SNTG2: variants seen among roughly 807,000 people sequenced by gnomAD.
The protein encoded by SNTG2 is syntrophin gamma 2.
A neutral mutation model predicts 70.9 loss-of-function variants in SNTG2; 74 were observed. The ratio of observed to expected loss-of-function variants is 1.04; its 90% confidence interval spans 0.86 to 1.27. The LOEUF (loss-of-function observed/expected upper bound fraction) is 1.27, where lower values mean the gene tolerates loss of function less well. SNTG2 is among the 50% of genes most tolerant of loss of function. SNTG2 has a pLI of 0.00. For synonymous variants in SNTG2, 278 were observed against 273.8 expected (o/e 1.02, Z -0.15); for missense variants, 717 against 690.7 (o/e 1.04, Z -0.43).
chr2:1,183,214 C>T (rs915464105), intron 8 of SNTG2, among the ~76,000 whole-genome samples: 1 of 150,634 alleles, frequency 6.6e-6, no homozygotes, highest in African/African-American at 2.4e-5. Flanking sequence ...TCCAGTATTC[C>T]ACTGTATGCT....
At chr2:1,066,764 T>C (rs1365734210) in intron 1 of SNTG2, among the ~76,000 whole-genome samples, 1 of 152,164 alleles carries the variant, frequency 6.6e-6, no homozygotes, top group Non-Finnish European at 1.5e-5. Flanking sequence ...CTTATCGAGC[T>C]TCCTCACCTT....
chr2:1,301,815 G>C (rs1322250641), intron 14 of SNTG2, among the ~76,000 whole-genome samples: 1 of 152,078 alleles, frequency 6.6e-6, no homozygotes, highest in East Asian at 1.9e-4. Context: ...AGTATCAGCA[G>C]ATCTATCCAG....
intron 1 of SNTG2, among the ~76,000 whole-genome samples, chr2:988,699 T>C (rs1661404432): frequency 6.6e-6 from 1 of 152,048 alleles, no homozygotes; most frequent in South Asian, 2.1e-4. Context: ...CTGCTGGTCA[T>C]TTTAGGAAGT....
chr2:1,271,649 G>T (rs541706894), intron 14 of SNTG2, among the ~76,000 whole-genome samples: 1 of 151,992 alleles, frequency 6.6e-6, no homozygotes, highest in Non-Finnish European at 1.5e-5. Flanking sequence ...ATTGTGCCTC[G>T]GTGTGGCTCC....
intron 14 of SNTG2, among the ~76,000 whole-genome samples, chr2:1,276,289 A>G (rs1337712511): frequency 6.6e-6 from 1 of 152,232 alleles, no homozygotes; most frequent in Non-Finnish European, 1.5e-5. Flanking sequence ...TCTGAGCTGG[A>G]CAAACGTCAT....
chr2:1,308,661 C>T (rs564001607), intron 15 of SNTG2, 75 bp downstream of exon 15: 533 of 1,256,136 alleles, frequency 4.2e-4, no homozygotes, highest in African/African-American at 5.7e-4. Flanking sequence ...TTAACACTCA[C>T]GCATGTCTGG....
intron 1 of SNTG2, chr2:1,068,182 C>G (rs1050178493): frequency 4.6e-5 from 7 of 152,124 alleles, no homozygotes; most frequent in Non-Finnish European, 1.0e-4. Flanking sequence ...AGTGTGTCAC[C>G]CAATAATCCA....
chr2:1,309,734 A>G (rs1202118748), intron 15 of SNTG2, among the ~76,000 whole-genome samples: 2 of 152,372 alleles, frequency 1.3e-5, no homozygotes, highest in Non-Finnish European at 2.9e-5. Context: ...GGCACATACC[A>G]TGTTTGCAAT....
intron 13 of SNTG2, among the ~76,000 whole-genome samples, chr2:1,266,137 AAG>A (rs1167559386): frequency 6.6e-6 from 1 of 151,958 alleles, no homozygotes; most frequent in Non-Finnish European, 1.5e-5. Context: ...GAGAGAGAGA[AAG>A]AGACACAAAG....
chr2:1,237,599 G>A (rs1219240711), intron 9 of SNTG2, among the ~76,000 whole-genome samples: 1 of 152,216 alleles, frequency 6.6e-6, no homozygotes, highest in East Asian at 1.9e-4. Context: ...TAACCAGTAA[G>A]AATCCTGCAG....
At chr2:1,361,826 ATGAAAGTCACGG>A (rs1362227148) in intron 16 of SNTG2, among the ~76,000 whole-genome samples, 12 of 150,292 alleles carry the variant, frequency 8.0e-5, no homozygotes, top group Non-Finnish European at 1.0e-4. Context: ...TAGAACTTCC[ATGAAAGTCACGG>A]ATGCTGAGCA....
At chr2:1,292,278 A>T (rs1260843726) in intron 14 of SNTG2, among the ~76,000 whole-genome samples, 1 of 152,114 alleles carries the variant, frequency 6.6e-6, no homozygotes, top group South Asian at 2.1e-4. Flanking sequence ...TCTATATGTA[A>T]GAAAGTGTTG....
chr2:1,354,154 A>G (rs1462692560), intron 16 of SNTG2, among the ~76,000 whole-genome samples: 1 of 152,224 alleles, frequency 6.6e-6, no homozygotes, highest in Non-Finnish European at 1.5e-5. Flanking sequence ...CTTTATAAAA[A>G]TCTAAGGCAT....
rs185146754 is a variant in SNTG2 at position 1,173,826 on chromosome 2, A to G, written c.591+643A>G. Among the ~76,000 whole-genome samples, 4 of 152,360 alleles carry G rather than the reference A, an allele frequency of 2.6e-5. No individual in the cohort carries two copies. The East Asian group carries it at 7.7e-4, about 29-fold the overall frequency. ...TCCTCTCTCAGAAGCCTGGGCTCCA[A>G]CTCCCGCAGGGTGACCTGTGAGCTG... On this transcript the variant is annotated intron_variant, in intron 8 of 16. Coordinates refer to ENST00000308624, the MANE Select transcript of SNTG2 (RefSeq NM_018968.4).
chr2:952,170 T>C (rs1303061384), intron 1 of SNTG2, among the ~76,000 whole-genome samples: 4 of 152,212 alleles, frequency 2.6e-5, no homozygotes, highest in Non-Finnish European at 5.9e-5. Context: ...TACTTTGTAA[T>C]ATGAATAGCT....
intron 8 of SNTG2, 76 bp downstream of exon 8, chr2:1,173,259 T>A: frequency 7.6e-7 from 1 of 1,318,506 alleles, no homozygotes; most frequent in Non-Finnish European, 1.1e-6. Context: ...TAGACAGAAT[T>A]AAAAAGATGC....
Position 1,253,387 on chromosome 2 carries a change from C to G in SNTG2, c.1005+5944C>G, listed in dbSNP as rs189425022. Among the ~76,000 whole-genome samples, 36 of 152,312 alleles carry G rather than the reference C, an allele frequency of 2.4e-4. 1 individual carries two copies. The East Asian group carries it at 6.7e-3, about 29-fold the overall frequency. On this transcript the variant is annotated intron_variant, in intron 12 of 16. Coordinates refer to ENST00000308624, the MANE Select transcript of SNTG2 (RefSeq NM_018968.4). ...CCTGAATGATTCACTATTGCCAACT[C>G]CCATGGCTGGGTCACTGCACCATCG...
chr2:1,297,602 C>T (rs1413288024), intron 14 of SNTG2, among the ~76,000 whole-genome samples: 1 of 152,182 alleles, frequency 6.6e-6, no homozygotes, highest in Non-Finnish European at 1.5e-5. Context: ...CAGCCCGTCG[C>T]CTCTGCAGCT....
intron 4 of SNTG2, among the ~76,000 whole-genome samples, chr2:1,120,258 T>C (rs1667297395): frequency 6.6e-6 from 1 of 152,144 alleles, no homozygotes; most frequent in Admixed American, 6.5e-5. Flanking sequence ...ATGGTATTGG[T>C]TATTACTTAT....
Sources: allele counts gnomAD v4.1 joint callset (sites outside exome capture counted in the v4.1 genomes callset), GRCh38; gene constraint gnomAD v4.1.1; transcripts MANE v1.5; gene names NCBI Gene and HGNC (gene_info 2026-07-23, HGNC 2026-07-21).